Variants in KCNJ3 observed in about 807,000 individuals in gnomAD.
KCNJ3 encodes G protein-activated inward rectifier potassium channel 1.
In KCNJ3, 4 loss-of-function variants were observed where a neutral mutation model predicts 39.2. The ratio of observed to expected loss-of-function variants is 0.10; its 90% CI spans 0.05 to 0.23. The LOEUF is 0.23. Among genes scored for constraint, KCNJ3 ranks in the 10% least tolerant of loss-of-function variants. The pLI, the probability that KCNJ3 is intolerant of heterozygous loss-of-function variation, is 1.00. For synonymous variants in KCNJ3, 230 were observed against 237.4 expected, an observed-to-expected ratio of 0.97 and a Z score of 0.29; for missense variants, 276 against 634.9, an observed-to-expected ratio of 0.43 and a Z score of 6.08.
intron 2 of KCNJ3, among the ~76,000 whole-genome samples, chr2:154,854,028 A>C (rs1362537542): frequency 1.3e-5 from 2 of 152,108 alleles, no homozygotes; most frequent in African/African-American, 4.8e-5. Flanking sequence ...CAGCACAATG[A>C]CTTTTCTTTT....
intron 2 of KCNJ3, among the ~76,000 whole-genome samples, chr2:154,814,836 G>A (rs1005654075): frequency 1.3e-5 from 2 of 152,084 alleles, no homozygotes; most frequent in African/African-American, 4.8e-5. Context: ...TATTATGAAA[G>A]GTGACACCCA....
chr2:154,800,503 C>G (rs1686800595), intron 2 of KCNJ3, among the ~76,000 whole-genome samples: 1 of 152,102 alleles, frequency 6.6e-6, no homozygotes, highest in Non-Finnish European at 1.5e-5. Context: ...CAGTGACTTT[C>G]TTTATTTTCA....
intron 2 of KCNJ3, among the ~76,000 whole-genome samples, chr2:154,761,873 A>T (rs1686051711): frequency 6.6e-6 from 1 of 152,230 alleles, no homozygotes; most frequent in African/African-American, 2.4e-5. Context: ...ACTTGTGAAT[A>T]TATTACCTTA....
Position 154,789,582 on chromosome 2 carries a change from A to G in KCNJ3, c.920-65145A>G, listed in dbSNP as rs78078859. 2.4e-3 allele frequency among the ~76,000 whole-genome samples: 364 copies of G among 152,202 alleles called. 13 individuals are homozygous for G. The East Asian group carries it at 0.056, about 23-fold the overall frequency. On this transcript the variant is annotated intron_variant, in intron 2 of 2. Coordinates refer to ENST00000295101, the MANE Select transcript of KCNJ3 (RefSeq NM_002239.4). ...GATATTATTAGCTTATTAAAACAGA[A>G]GCTTCTGGGCAAGGTAAAAAAAGTA...
At chr2:154,765,978 C>T (rs1426765641) in intron 2 of KCNJ3, among the ~76,000 whole-genome samples, 5 of 152,114 alleles carry the variant, frequency 3.3e-5, no homozygotes, top group Admixed American at 1.3e-4. Flanking sequence ...TGGCGCCAAA[C>T]AGTTGCACAC....
At chr2:154,761,062 C>CTTTTTTT (rs11375045) in intron 2 of KCNJ3, among the ~76,000 whole-genome samples, 10 of 133,904 alleles carry the variant, frequency 7.5e-5, no homozygotes, top group Admixed American at 1.5e-4. Flanking sequence ...TTAATTTTTT[C>CTTTTTTT]TTTTTTTTTT....
chr2:154,708,958 T>C (rs1168166294), intron 1 of KCNJ3, among the ~76,000 whole-genome samples: 4 of 152,216 alleles, frequency 2.6e-5, no homozygotes, highest in Admixed American at 6.5e-5. Context: ...ATATTTATAA[T>C]GCAGTTTATT....
intron 2 of KCNJ3, among the ~76,000 whole-genome samples, chr2:154,730,349 G>A (rs1007676273): frequency 7.2e-5 from 11 of 151,834 alleles, no homozygotes; most frequent in Non-Finnish European, 1.2e-4. Context: ...TGAAGGAATG[G>A]ATAATCTGAG....
intron 2 of KCNJ3, among the ~76,000 whole-genome samples, chr2:154,725,186 C>T (rs1240771551): frequency 1.3e-5 from 2 of 150,922 alleles, no homozygotes; most frequent in African/African-American, 4.9e-5. Flanking sequence ...GTTTTGATCA[C>T]ATTCCCACCT....
At chr2:154,762,901 G>A (rs537848049) in intron 2 of KCNJ3, among the ~76,000 whole-genome samples, 82 of 152,288 alleles carry the variant, frequency 5.4e-4, no homozygotes, top group African/African-American at 1.9e-3. Context: ...AATAAAAAGC[G>A]GGTAGGGAGG....
chr2:154,835,178 A>G lies in KCNJ3; in HGVS notation c.920-19549A>G, dbSNP rs1366161657. On this transcript the variant is annotated intron_variant, in intron 2 of 2. Transcript: ENST00000295101. ...TCATTACTTCATTAAGTAGGCTCAG[A>G]AAAATCTTGGATACTTTTGTCAATA... 4.7e-5 allele frequency among the ~76,000 whole-genome samples: 7 copies of G among 148,226 alleles called. No individual in the cohort carries two copies. In the East Asian group the frequency reaches 1.3e-3, roughly 29 times the overall value.
chr2:154,700,753 A>G (rs892328414), intron 1 of KCNJ3, among the ~76,000 whole-genome samples: 2 of 152,206 alleles, frequency 1.3e-5, no homozygotes, highest in African/African-American at 2.4e-5. Context: ...TGTCATTTTC[A>G]TTATTCACTT....
At chr2:154,704,173 T>C (rs1471045398) in intron 1 of KCNJ3, among the ~76,000 whole-genome samples, 1 of 152,076 alleles carries the variant, frequency 6.6e-6, no homozygotes, top group Non-Finnish European at 1.5e-5. Context: ...TTTTTATTTT[T>C]AATATTATTC....
intron 2 of KCNJ3, among the ~76,000 whole-genome samples, chr2:154,718,854 A>G (rs1018303561): frequency 7.2e-5 from 11 of 152,158 alleles, no homozygotes; most frequent in African/African-American, 2.7e-4. Flanking sequence ...GTGGGTTGAA[A>G]TACGGTTGAC....
In KCNJ3 at chr2:154,735,069, C is replaced by CTGTGTGTGTGTG. The variant is rs10632638; in HGVS notation, c.919+25272_919+25283dup. 4.2e-3 allele frequency among the ~76,000 whole-genome samples: 619 copies of CTGTGTGTGTGTG among 145,878 alleles called. 4 individuals carry two copies. The highest frequency in any genetic ancestry group is 6.8e-3 in the Middle Eastern group (2 of 294). On this transcript the variant is annotated intron_variant, in intron 2 of 2. Coordinates refer to ENST00000295101, the MANE Select transcript of KCNJ3 (RefSeq NM_002239.4). ...TAGACTTTCCACTCCCCTTGTAGGC[C>CTGTGTGTGTGTG]TGTGTGTGTGTGTGTGTGTGTGTGT...
At chr2:154,755,467 A>G (rs1391136362) in intron 2 of KCNJ3, among the ~76,000 whole-genome samples, 2 of 151,498 alleles carry the variant, frequency 1.3e-5, no homozygotes, top group Non-Finnish European at 2.9e-5. Flanking sequence ...ATTTGCAAAC[A>G]TTATTCTGCC....
At chr2:154,716,205 G>A (rs990677734) in intron 2 of KCNJ3, among the ~76,000 whole-genome samples, 2 of 151,410 alleles carry the variant, frequency 1.3e-5, no homozygotes, top group Non-Finnish European at 1.5e-5. Flanking sequence ...CATGCCGTGG[G>A]TTCATGCCGT....
intron 2 of KCNJ3, among the ~76,000 whole-genome samples, chr2:154,823,602 T>C (rs1687219681): frequency 6.6e-6 from 1 of 152,182 alleles, no homozygotes; most frequent in South Asian, 2.1e-4. Flanking sequence ...CTCTTGAATA[T>C]ATCAATTCCT....
chr2:154,732,906 T>C (rs572845168), intron 2 of KCNJ3, among the ~76,000 whole-genome samples: 3 of 152,256 alleles, frequency 2.0e-5, no homozygotes, highest in African/African-American at 7.2e-5. Context: ...CAGTGATTTG[T>C]TTTAAAAGTG....
Sources: gnomAD v4.1 joint callset for allele counts (sites outside exome capture counted in the v4.1 genomes callset) on GRCh38, gnomAD v4.1.1 for gene constraint, MANE v1.5 for transcripts, NCBI Gene and HGNC (gene_info 2026-07-23, HGNC 2026-07-21) for gene names.